Variants in PDCD11 observed in about 807,000 individuals in gnomAD.
The protein encoded by PDCD11 is protein RRP5 homolog.
A neutral mutation model predicts 198.9 loss-of-function variants in PDCD11; 97 were observed. The ratio of observed to expected loss-of-function variants is 0.49; its 90% confidence interval spans 0.41 to 0.58. The LOEUF is 0.58. Among genes scored for constraint, PDCD11 ranks in the 20% least tolerant of loss-of-function variants. The pLI is 0.00. For missense variants in PDCD11, 2,102 were observed against 2,312.7 expected (o/e 0.91, Z 1.87); for synonymous variants, 893 against 918.0 (o/e 0.97, Z 0.49).
chr10:103,440,679 G>A, intron 29 of PDCD11, 55 bp from the exon 30 acceptor site: 2 of 1,613,378 alleles, frequency 1.2e-6, no homozygotes, highest in East Asian at 2.2e-5. Flanking sequence ...GAGGGAGGGT[G>A]TCGCCTGGGG....
At chr10:103,399,236 G>T (rs1282443142) in intron 2 of PDCD11, among the ~76,000 whole-genome samples, 1 of 151,426 alleles carries the variant, frequency 6.6e-6, no homozygotes, top group African/African-American at 2.4e-5. Flanking sequence ...TTTTGTTAGA[G>T]ATGGGGTTTC....
intron 4 of PDCD11, among the ~76,000 whole-genome samples, chr10:103,403,988 TC>T (rs1350950364): frequency 5.3e-5 from 8 of 152,108 alleles, no homozygotes; most frequent in African/African-American, 1.9e-4. Flanking sequence ...GGAGAGATGA[TC>T]ATGATTTTTC....
At chr10:103,427,924 T>C (rs2031767563) in intron 21 of PDCD11, among the ~76,000 whole-genome samples, 1 of 152,114 alleles carries the variant, frequency 6.6e-6, no homozygotes, top group South Asian at 2.1e-4. Flanking sequence ...TGTATGACCT[T>C]AATTAAGAAA....
rs1465231249 is a variant in PDCD11, at chr10:103,425,048, C to T, written c.2828C>T (p.Ser943Phe). 4.3e-6 allele frequency: 7 copies of T among 1,614,126 alleles called. No homozygotes were observed. The African/African-American group carries it at 8.0e-5, about 18-fold the overall frequency. Residue 943 changes from serine (S) to phenylalanine (F), a missense_variant, in exon 20 of 36, where the codon TCC (serine) becomes TTC (phenylalanine). Coordinates refer to ENST00000369797, the MANE Select transcript of PDCD11 (RefSeq NM_014976.2). The stretch of plus-strand genomic sequence containing the variant: ...TTGGAGAAGTCCTTTGCCATTGCCT[C>T]CTTGGTAGAGACGGGCCACCTGGCA... ...QHLEKSFAIA[S>F]LVETGHLAAF... is the part of the protein sequence containing the mutation.
Position 103,425,071 on chromosome 10 carries a change from G to T in PDCD11, c.2851G>T (p.Ala951Ser). ...CTCCTTGGTAGAGACGGGCCACCTG[G>T]CAGCTTTCTCCCTGACCTCTCACCT... The part of the protein sequence containing the change: ...IASLVETGHL[A>S]AFSLTSHLND... The change falls in exon 20 of 36, where the codon GCA (alanine) becomes TCA (serine). Residue 951 changes from alanine to serine, a missense_variant. Transcript: ENST00000369797. 6.2e-7 allele frequency: 1 copy of T among 1,614,236 alleles called. No homozygotes were observed. The highest frequency in any genetic ancestry group is 8.5e-7 in the Non-Finnish European group (1 of 1,180,044).
intron 2 of PDCD11, 53 bp from the exon 3 acceptor site, chr10:103,400,342 TCA>T: frequency 1.3e-6 from 2 of 1,507,484 alleles, no homozygotes; most frequent in Non-Finnish European, 1.8e-6. Flanking sequence ...GAGGGAAAAC[TCA>T]GATTGCTTCT....
intron 27 of PDCD11, among the ~76,000 whole-genome samples, chr10:103,439,267 A>G (rs148760303): frequency 0.016 from 2,472 of 152,306 alleles, 15 homozygotes; most frequent in Middle Eastern, 0.034. Context: ...GCTTGAGCCC[A>G]TAAGTTCGAG....
At chr10:103,414,448 G>T (rs1313149452) in intron 11 of PDCD11, 118 bp downstream of exon 11, 3 of 679,392 alleles carry the variant, frequency 4.4e-6, no homozygotes, top group Non-Finnish European at 7.6e-6. Context: ...CATGTTCCTT[G>T]CTTCTGCCTG....
chr10:103,406,010 T>C lies in PDCD11; in HGVS notation c.590T>C (p.Leu197Pro). The change falls in exon 6 of 36, where the codon CTG (leucine) becomes CCG (proline). Residue 197 changes from leucine to proline, a missense_variant. Coordinates refer to ENST00000369797, the MANE Select transcript of PDCD11 (RefSeq NM_014976.2). ...GMLLTGTVSS[L>P]EDHGYLVDIG... ...CTACTTACAGGTACCGTATCCAGCCTGGAAGACCATGGCTACCTAGTGGAC... is the reference window on the plus strand; with the variant it reads ...CTACTTACAGGTACCGTATCCAGCCCGGAAGACCATGGCTACCTAGTGGAC... 6.2e-7 allele frequency: 1 copy of C among 1,614,064 alleles called. No homozygotes were observed. Among genetic ancestry groups the C allele is most frequent in the Non-Finnish European group, 8.5e-7 (1 of 1,179,926 alleles).
At chr10:103,404,413 C>T (rs1316543122) in intron 4 of PDCD11, among the ~76,000 whole-genome samples, 1 of 152,164 alleles carries the variant, frequency 6.6e-6, no homozygotes, top group Non-Finnish European at 1.5e-5. Context: ...ATTCTCCTGC[C>T]TCAGCCTCCT....
chr10:103,428,551 A>C (rs1467773382), intron 21 of PDCD11, among the ~76,000 whole-genome samples: 1 of 152,230 alleles, frequency 6.6e-6, no homozygotes, highest in Non-Finnish European at 1.5e-5. Flanking sequence ...AGCCTGCAGT[A>C]TCTTCAACTC....
At chr10:103,401,025 G>A (rs535925276) in intron 3 of PDCD11, among the ~76,000 whole-genome samples, 35 of 152,248 alleles carry the variant, frequency 2.3e-4, no homozygotes, top group African/African-American at 8.2e-4. Flanking sequence ...GAAGTGTTGG[G>A]ATTATAGACA....
intron 35 of PDCD11, 127 bp downstream of exon 35, chr10:103,444,809 A>G: frequency 1.2e-6 from 1 of 834,042 alleles, no homozygotes; most frequent in Admixed American, 2.1e-5. Context: ...GTGATGCCCC[A>G]GGCCCAGTGA....
chr10:103,422,586 A>G (rs2031501681), intron 17 of PDCD11, among the ~76,000 whole-genome samples: 1 of 151,998 alleles, frequency 6.6e-6, no homozygotes, highest in Admixed American at 6.6e-5. Context: ...CAGCAGATGA[A>G]ATGGAACTGG....
intron 34 of PDCD11, 58 bp from the exon 35 acceptor site, chr10:103,444,457 CTG>C (rs938823477): frequency 1.1e-5 from 17 of 1,508,766 alleles, no homozygotes; most frequent in African/African-American, 6.9e-5. Context: ...CTGCGGAACA[CTG>C]TGTTGTGGTG....
intron 21 of PDCD11, among the ~76,000 whole-genome samples, chr10:103,427,889 GAC>G (rs2031766338): frequency 6.6e-6 from 1 of 152,152 alleles, no homozygotes; most frequent in South Asian, 2.1e-4. Context: ...CAGATTGATA[GAC>G]CCTTAGTGAA....
intron 27 of PDCD11, 30 bp downstream of exon 27, chr10:103,438,838 C>T: frequency 6.2e-7 from 1 of 1,612,254 alleles, no homozygotes; most frequent in East Asian, 2.2e-5. Context: ...CACCCGGACC[C>T]AAGTGCCTTC....
At chr10:103,403,095 A>C (rs2030213760) in intron 3 of PDCD11, 23 bp from the exon 4 acceptor site, 1 of 1,610,724 alleles carries the variant, frequency 6.2e-7, no homozygotes. Context: ...CTTATTGTAC[A>C]CATTTCACTT....
chr10:103,408,815 T>C (rs112531399), intron 7 of PDCD11, among the ~76,000 whole-genome samples: 206 of 152,248 alleles, frequency 1.4e-3, no homozygotes, highest in African/African-American at 3.8e-3. Context: ...GCTAGGATTA[T>C]AGGCATGAGC....
Sources: gnomAD v4.1 joint callset for allele counts (sites outside exome capture counted in the v4.1 genomes callset) on GRCh38, gnomAD v4.1.1 for gene constraint, MANE v1.5 for transcripts, NCBI Gene and HGNC (gene_info 2026-07-23, HGNC 2026-07-21) for gene names.